The following TRAF3IP1 variants were observed in gnomAD, a reference collection of about 807,000 sequenced individuals.
TRAF3IP1 encodes TRAF3-interacting protein 1.
A neutral mutation model predicts 89.9 loss-of-function variants in TRAF3IP1; 53 were observed. The ratio of observed to expected loss-of-function variants is 0.59; its 90% CI spans 0.47 to 0.74. TRAF3IP1 has a LOEUF of 0.74. Among genes scored for constraint, TRAF3IP1 ranks in the 30% least tolerant of loss-of-function variants. TRAF3IP1 has a pLI of 0.00. For missense variants in TRAF3IP1, 806 were observed against 866.1 expected, an observed-to-expected ratio of 0.93 and a Z score of 0.87; for synonymous variants, 311 against 322.1, an observed-to-expected ratio of 0.97 and a Z score of 0.37.
In TRAF3IP1 at chr2:238,320,682, G is replaced by A; in HGVS notation, c.20G>A (p.Arg7Lys). MNAAVV[R>K]RTQEALGKVI... ...GCCGTCATGAACGCGGCGGTGGTGA[G>A]GCGGACGCAGGAGGCGCTGGGGAAA... is the stretch of plus-strand genomic sequence containing the variant. Residue 7 changes from arginine (R) to lysine (K), a missense_variant, in exon 1 of 17, where the codon AGG becomes AAG. Transcript: ENST00000373327. 2.8e-6 allele frequency: 4 copies of A among 1,414,416 alleles called. No individual in the cohort carries two copies. Among genetic ancestry groups the A allele is most frequent in the Non-Finnish European group, 3.7e-6 (4 of 1,069,388 alleles). 87.6% of individuals were successfully genotyped at this position (1,414,416 alleles called of 1,614,324 possible). A position where few individuals can be genotyped will look rare whatever the true frequency, so the allele number is the denominator to read the frequency against.
intron 15 of TRAF3IP1, among the ~76,000 whole-genome samples, chr2:238,394,229 T>C (rs1701115699): frequency 6.6e-6 from 1 of 152,218 alleles, no homozygotes; most frequent in Non-Finnish European, 1.5e-5. Context: ...AGACTGGTTA[T>C]TTCTGTCTTT....
At chr2:238,323,491 C>T (rs1697664062) in intron 1 of TRAF3IP1, among the ~76,000 whole-genome samples, 1 of 152,138 alleles carries the variant, frequency 6.6e-6, no homozygotes, top group Non-Finnish European at 1.5e-5. Flanking sequence ...CCTGTCATCT[C>T]AAGAAAAACA....
intron 1 of TRAF3IP1, among the ~76,000 whole-genome samples, chr2:238,323,699 A>G (rs1167367799): frequency 1.3e-5 from 2 of 152,180 alleles, no homozygotes; most frequent in African/African-American, 4.8e-5. Flanking sequence ...CTATGAGCAT[A>G]CCTGTCCTTA....
chr2:238,378,729 TGG>T (rs1361759861), intron 15 of TRAF3IP1, among the ~76,000 whole-genome samples: 2 of 152,124 alleles, frequency 1.3e-5, no homozygotes, highest in African/African-American at 4.8e-5. Context: ...TTAAGTCTGA[TGG>T]GTGATCTGGG....
intron 15 of TRAF3IP1, among the ~76,000 whole-genome samples, chr2:238,369,355 AG>A (rs1200811429): frequency 3.3e-5 from 5 of 152,230 alleles, no homozygotes; most frequent in African/African-American, 7.2e-5. Context: ...TGATATTAAA[AG>A]TGGAGCGCGT....
chr2:238,347,283 A>C, intron 9 of TRAF3IP1, 172 bp from the exon 10 acceptor site: 1 of 645,574 alleles, frequency 1.5e-6, no homozygotes, highest in Non-Finnish European at 2.7e-6. Context: ...TTGAAAATAA[A>C]ACAAAATGGC....
rs1449771948 is a variant in TRAF3IP1 at position 238,400,321 on chromosome 2, C to G, written c.*1402C>G. The stretch of plus-strand genomic sequence containing the variant: ...GTGTTGACCAGGATGGTCTCCACCT[C>G]CTGACCTCGTGATCCGCCTGCCTCG... On this transcript the variant is annotated 3_prime_UTR_variant, in exon 17 of 17. Coordinates refer to ENST00000373327, the MANE Select transcript of TRAF3IP1 (RefSeq NM_015650.4). 1 of 152,240 alleles carries G rather than the reference C, an allele frequency of 6.6e-6. No homozygotes were observed. The highest frequency in any genetic ancestry group is 1.5e-5 in the Non-Finnish European group (1 of 68,090). The allele number at this position is 152,240 out of a possible 1,614,324, so 9.4% of individuals were successfully genotyped here.
intron 7 of TRAF3IP1, among the ~76,000 whole-genome samples, chr2:238,336,389 G>T (rs1698390949): frequency 6.6e-6 from 1 of 152,108 alleles, no homozygotes; most frequent in African/African-American, 2.4e-5. Context: ...CTGGCACTCT[G>T]CCTGAACATT....
chr2:238,372,286 C>T (rs1252869669), intron 15 of TRAF3IP1, among the ~76,000 whole-genome samples: 3 of 152,116 alleles, frequency 2.0e-5, no homozygotes, highest in African/African-American at 7.2e-5. Flanking sequence ...CCCCAGCCCT[C>T]TGCCCCCCGA....
Position 238,398,915 on chromosome 2 carries a change from G to T in TRAF3IP1, c.2072G>T (p.Arg691Met). The change falls in exon 17 of 17, where the codon AGG (arginine) becomes ATG (methionine). Residue 691 changes from arginine (R) to methionine (M), a missense_variant. Physicochemically the swap from Arg to Met is moderately conservative, Grantham distance 91. Around this residue, in one of 3 missense-constraint regions of TRAF3IP1, gnomAD observed 70 missense variants for 67.8 expected, o/e 1.03. Transcript: ENST00000373327. ...TATAGTATCAATTTGACTTCGAGAA[G>T]GTGAACACTCAAAAGTTTCAGAGAT... ...MVYSINLTSR[R>M] The T allele has an allele frequency of 1.3e-6, 2 of 1,595,564 alleles. No homozygotes were observed. The highest frequency in any genetic ancestry group is 2.3e-5 in the South Asian group (2 of 86,828).
At chr2:238,386,215 C>T (rs1236601849) in intron 15 of TRAF3IP1, among the ~76,000 whole-genome samples, 1 of 152,150 alleles carries the variant, frequency 6.6e-6, no homozygotes, top group African/African-American at 2.4e-5. Flanking sequence ...CTTAGAGTCA[C>T]AGAGGGTTGT....
Position 238,328,679 on chromosome 2 carries a change from C to T in TRAF3IP1, c.355-7C>T, listed in dbSNP as rs369455001. 8.4e-5 allele frequency: 136 copies of T among 1,610,670 alleles called. No individual in the cohort carries two copies. Among genetic ancestry groups the T allele is most frequent in the Non-Finnish European group, 9.8e-5 (116 of 1,178,568 alleles). On this transcript the variant is annotated splice_region_variant and splice_polypyrimidine_tract_variant and intron_variant, in intron 3 of 16. Transcript: ENST00000373327. ...AACACCTCATTTCCTTCCATTTGGA[C>T]GACAAGCTCTCTAGTGACGATGCGG... is the stretch of plus-strand genomic sequence containing the variant.
chr2:238,381,898 A>C (rs566753274), intron 15 of TRAF3IP1, among the ~76,000 whole-genome samples: 1 of 152,162 alleles, frequency 6.6e-6, no homozygotes, highest in Non-Finnish European at 1.5e-5. Context: ...CAGGCTGAGA[A>C]GGAAAGGGGC....
chr2:238,338,855 C>T (rs1475201334), intron 8 of TRAF3IP1, among the ~76,000 whole-genome samples: 1 of 152,144 alleles, frequency 6.6e-6, no homozygotes. Context: ...GCTAGTTAGG[C>T]ACGTTGGGGA....
rs922951725 is a variant in TRAF3IP1, at chr2:238,351,400, G to A, written c.1452-1427G>A. On this transcript the variant is annotated intron_variant, in intron 12 of 16. Coordinates refer to ENST00000373327, the MANE Select transcript of TRAF3IP1 (RefSeq NM_015650.4). This position sits in a 1 kb window ranked among gnomAD's most constrained non-coding sequence, Gnocchi z 5.2. ...TTTTAGGGAGAGTGATCTGGAAGCC[G>A]AAGCAAGCATAAGGAAATTACTGAC... is the stretch of plus-strand genomic sequence containing the variant. Among the ~76,000 whole-genome samples the A allele has an allele frequency of 6.6e-6, 1 of 152,018 alleles. No individual in the cohort carries two copies. The highest frequency in any genetic ancestry group is 1.5e-5 in the Non-Finnish European group (1 of 67,990).
At chr2:238,371,506 A>G (rs1468805944) in intron 15 of TRAF3IP1, among the ~76,000 whole-genome samples, 1 of 152,194 alleles carries the variant, frequency 6.6e-6, no homozygotes, top group Non-Finnish European at 1.5e-5. Context: ...TTTCATACAT[A>G]AAAACAGTGG....
At chr2:238,342,500 T>C (rs569387947) in intron 8 of TRAF3IP1, among the ~76,000 whole-genome samples, 1 of 152,176 alleles carries the variant, frequency 6.6e-6, no homozygotes, top group Non-Finnish European at 1.5e-5. Flanking sequence ...GGTAAAATTG[T>C]GAAAGTGTCA....
chr2:238,322,994 A>G (rs1339588296), intron 1 of TRAF3IP1, among the ~76,000 whole-genome samples: 1 of 152,182 alleles, frequency 6.6e-6, no homozygotes, highest in African/African-American at 2.4e-5. Context: ...TATTTTAGCT[A>G]TAGCTACACT....
intron 8 of TRAF3IP1, among the ~76,000 whole-genome samples, chr2:238,339,409 A>T (rs1233033117): frequency 3.3e-5 from 5 of 152,122 alleles, no homozygotes; most frequent in African/African-American, 1.2e-4. Flanking sequence ...CATCTTGGTG[A>T]TGTATGTTTT....
Sources: gnomAD v4.1 joint callset for allele counts (sites outside exome capture counted in the v4.1 genomes callset) on GRCh38, gnomAD v4.1.1 for gene constraint, gnomAD v4.1.1 regional missense constraint, Gnocchi (gnomAD v3.1) non-coding constraint, MANE v1.5 for transcripts, NCBI Gene and HGNC (gene_info 2026-07-23, HGNC 2026-07-21) for gene names.